TYW1B: variants seen among roughly 807,000 people sequenced by gnomAD.
TYW1B encodes tRNA-yW synthesizing protein 1 homolog B, also known as S-adenosyl-L-methionine-dependent tRNA 4-demethylwyosine synthase TYW1B.
TYW1B carries 73 observed loss-of-function variants against 86.9 expected under a neutral mutation model. The ratio of observed to expected loss-of-function variants is 0.84; its 90% confidence interval spans 0.70 to 1.02. TYW1B has a LOEUF of 1.02. Ranked by LOEUF, TYW1B falls within the 50% of genes least tolerant of loss-of-function variation. The probability of loss-of-function intolerance (pLI) is 0.00; values close to 1 mark genes in which losing one functional copy is unlikely to be tolerated. For missense variants in TYW1B, 637 were observed against 827.4 expected, an observed-to-expected ratio of 0.77 and a Z score of 2.82; for synonymous variants, 248 against 292.8, an observed-to-expected ratio of 0.85 and a Z score of 1.56.
At chr7:72,736,006 A>T (rs6460029) in intron 8 of TYW1B, among the ~76,000 whole-genome samples, 105,140 of 152,012 alleles carry the variant, frequency 0.69, 37,182 homozygotes, top group Non-Finnish European at 0.77. Flanking sequence ...CAACTGAACA[A>T]AAATTTAATT....
chr7:72,656,761 A>G (rs1813215187), intron 11 of TYW1B, among the ~76,000 whole-genome samples: 1 of 152,200 alleles, frequency 6.6e-6, no homozygotes, highest in Non-Finnish European at 1.5e-5. Flanking sequence ...CTCATGGTGG[A>G]AGGTGAAGGG....
At position 72,786,040 on chromosome 7, in the gene TYW1B, C is replaced by T. The variant is rs573553205; in HGVS notation, c.847-8507G>A. On this transcript the variant is annotated intron_variant, in intron 6 of 13. Coordinates refer to ENST00000620995, the MANE Select transcript of TYW1B (RefSeq NM_001145440.3). ...GGCAGAATTGCATGAACCCGGGAGG[C>T]GGGGGCTGCCATGAGATGATATTGT... 1.5e-3 allele frequency among the ~76,000 whole-genome samples: 233 copies of T among 151,826 alleles called. 1 individual carries two copies. In the Middle Eastern group the frequency reaches 0.017, roughly 11 times the overall value.
chr7:72,791,245 C>T (rs1286825844), intron 6 of TYW1B, among the ~76,000 whole-genome samples: 4 of 151,930 alleles, frequency 2.6e-5, no homozygotes, highest in Admixed American at 6.6e-5. Context: ...AATAGGATTC[C>T]GAAGAAACCT....
At chr7:72,825,260 T>C (rs111784988) in intron 2 of TYW1B, among the ~76,000 whole-genome samples, 1 of 152,130 alleles carries the variant, frequency 6.6e-6, no homozygotes. Context: ...AGCCAGACAC[T>C]GTTCCCCCCC....
At chr7:72,593,147 C>G (rs1412702855) in intron 13 of TYW1B, among the ~76,000 whole-genome samples, 1 of 152,014 alleles carries the variant, frequency 6.6e-6, no homozygotes, top group Non-Finnish European at 1.5e-5. Context: ...ACAAAATTAG[C>G]TGGGCATGGT....
chr7:72,809,679 AT>A (rs71517374), intron 4 of TYW1B, among the ~76,000 whole-genome samples: 7 of 150,894 alleles, frequency 4.6e-5, no homozygotes, highest in African/African-American at 1.7e-4. Context: ...TTAAAAAAAA[AT>A]TTTTTTTAAG....
intron 5 of TYW1B, among the ~76,000 whole-genome samples, chr7:72,806,379 G>A (rs1346418224): frequency 6.6e-6 from 1 of 151,812 alleles, no homozygotes; most frequent in South Asian, 2.1e-4. Flanking sequence ...GGGATTACAG[G>A]TGCCCGCCAC....
intron 11 of TYW1B, among the ~76,000 whole-genome samples, chr7:72,660,488 C>G (rs1255916876): frequency 6.6e-6 from 1 of 152,174 alleles, no homozygotes; most frequent in Admixed American, 6.5e-5. Context: ...TGCAGTTTCC[C>G]AACCCCTCAC....
intron 11 of TYW1B, among the ~76,000 whole-genome samples, chr7:72,671,426 G>A (rs1412312741): frequency 1.3e-5 from 2 of 152,084 alleles, no homozygotes; most frequent in African/African-American, 4.8e-5. Flanking sequence ...TAAAAATAAT[G>A]TCACAATGAA....
chr7:72,693,908 T>C (rs1814239321), intron 11 of TYW1B, among the ~76,000 whole-genome samples: 1 of 152,162 alleles, frequency 6.6e-6, no homozygotes, highest in Non-Finnish European at 1.5e-5. Flanking sequence ...ATTTAAAGTA[T>C]ACAGGAAGAT....
intron 6 of TYW1B, among the ~76,000 whole-genome samples, chr7:72,784,526 C>T (rs1305517816): frequency 6.6e-6 from 1 of 152,156 alleles, no homozygotes; most frequent in Non-Finnish European, 1.5e-5. Flanking sequence ...ACAGGGTTGT[C>T]TCAGGCTGTT....
intron 11 of TYW1B, among the ~76,000 whole-genome samples, chr7:72,632,598 C>T (rs1812563809): frequency 6.9e-6 from 1 of 144,076 alleles, no homozygotes; most frequent in Non-Finnish European, 1.5e-5. Context: ...AACCAATCTA[C>T]ATGGAGAGCC....
At chr7:72,630,129 A>C (rs1554439631) in intron 11 of TYW1B, among the ~76,000 whole-genome samples, 1 of 151,980 alleles carries the variant, frequency 6.6e-6, no homozygotes, top group Admixed American at 6.6e-5. Context: ...AAATACAAAA[A>C]TGAGCCAGGC....
intron 11 of TYW1B, among the ~76,000 whole-genome samples, chr7:72,643,586 TAAAAGAAA>T (rs1355776343): frequency 1.2e-4 from 18 of 150,016 alleles, no homozygotes; most frequent in South Asian, 4.2e-4. Context: ...GACTCCATCT[TAAAAGAAA>T]AAAAGAAAAA....
rs560138161 is a variant in TYW1B, at chr7:72,595,848, T to C, written c.1786-20129A>G. On this transcript the variant is annotated intron_variant, in intron 13 of 13. Transcript: ENST00000620995. ...GAACACATAAATAAATAGAAATACA[T>C]CCCATGTTCATGGATTGAAAGACTT... Among the ~76,000 whole-genome samples the C allele has an allele frequency of 4.6e-5, 7 of 152,000 alleles. No individual in the cohort carries two copies. In the South Asian group the frequency reaches 1.5e-3, roughly 32 times the overall value.
chr7:72,652,357 G>A (rs1184014294), intron 11 of TYW1B, among the ~76,000 whole-genome samples: 45 of 107,768 alleles, frequency 4.2e-4, no homozygotes, highest in Admixed American at 1.2e-3. Flanking sequence ...CAGCCTGGGC[G>A]ACAGAGCAAG....
At chr7:72,670,706 G>A (rs560639982) in intron 11 of TYW1B, among the ~76,000 whole-genome samples, 32 of 152,126 alleles carry the variant, frequency 2.1e-4, no homozygotes, top group Non-Finnish European at 3.2e-4. Context: ...AGACAAACAC[G>A]AACTCTAAAA....
intron 6 of TYW1B, among the ~76,000 whole-genome samples, chr7:72,780,971 T>C (rs1672758329): frequency 6.6e-6 from 1 of 151,860 alleles, no homozygotes; most frequent in Non-Finnish European, 1.5e-5. Flanking sequence ...TTTATAGCTG[T>C]TACATGGCCT....
At chr7:72,693,194 G>A (rs1295623806) in intron 11 of TYW1B, among the ~76,000 whole-genome samples, 3 of 151,996 alleles carry the variant, frequency 2.0e-5, no homozygotes, top group Admixed American at 6.6e-5. Context: ...AAGGAAAGAA[G>A]GAGGATTAAT....
Sources: gnomAD v4.1 joint callset for allele counts (sites outside exome capture counted in the v4.1 genomes callset) on GRCh38, gnomAD v4.1.1 for gene constraint, MANE v1.5 for transcripts, NCBI Gene and HGNC (gene_info 2026-07-23, HGNC 2026-07-21) for gene names.